Variants in PRDM16 observed in about 807,000 individuals in gnomAD.
PRDM16 encodes PR/SET domain 16, also known as histone-lysine N-methyltransferase PRDM16.
PRDM16 carries 23 observed loss-of-function variants against 110.6 expected under a neutral mutation model. That is an observed-to-expected ratio of 0.21 (90% CI 0.15 to 0.29). The LOEUF (loss-of-function observed/expected upper bound fraction) is 0.29. PRDM16 is among the 10% of genes least tolerant of loss of function. The pLI is 1.00. For synonymous variants in PRDM16, 799 were observed against 781.8 expected, an observed-to-expected ratio of 1.02 and a Z score of -0.37; for missense variants, 1,615 against 1,794.3, an observed-to-expected ratio of 0.90 and a Z score of 1.81.
chr1:3,242,519 C>T lies in PRDM16; in HGVS notation c.388-1568C>T, dbSNP rs183192571. 8.7e-4 allele frequency among the ~76,000 whole-genome samples: 133 copies of T among 152,312 alleles called. 1 individual carries two copies. Among genetic ancestry groups the T allele is most frequent in the Non-Finnish European group, 1.0e-3 (71 of 68,022 alleles). On this transcript the variant is annotated intron_variant, in intron 2 of 16. Transcript: ENST00000270722. ...GAGAGATTCCACCTGAGCAGCTCCT[C>T]GAGCTCTGCCTCCAGCACGCCTCGG...
chr1:3,224,417 G>A (rs1030096292), intron 2 of PRDM16, among the ~76,000 whole-genome samples: 18 of 152,002 alleles, frequency 1.2e-4, no homozygotes, highest in African/African-American at 4.1e-4. Context: ...CGCCCCTCTC[G>A]CTGGGGTACC....
In PRDM16 at chr1:3,436,074, C is replaced by T. The variant is rs572567804; in HGVS notation, c.*2263C>T. ...CCTGGGTCAGACCCACCAGGTACCCCGTAGGAATTTCCAGTTTCCCTTGAT... is the reference window on the plus strand; with the variant it reads ...CCTGGGTCAGACCCACCAGGTACCCTGTAGGAATTTCCAGTTTCCCTTGAT... On this transcript the variant is annotated 3_prime_UTR_variant, in exon 17 of 17. Transcript: ENST00000270722. 2.2e-5 allele frequency: 5 copies of T among 230,528 alleles called. No homozygotes were observed. Among genetic ancestry groups the T allele is most frequent in the East Asian group, 1.2e-4 (2 of 16,244 alleles). The allele number at this position is 230,528 out of a possible 1,614,324, so 14.3% of individuals were successfully genotyped here. A position where few individuals can be genotyped will look rare whatever the true frequency, so the allele number is the denominator to read the frequency against.
chr1:3,380,556 C>G (rs1388236434), intron 3 of PRDM16, among the ~76,000 whole-genome samples: 1 of 152,172 alleles, frequency 6.6e-6, no homozygotes, highest in Non-Finnish European at 1.5e-5. Flanking sequence ...GTTGTTGCCT[C>G]TGGTCTCCAG....
intron 3 of PRDM16, among the ~76,000 whole-genome samples, chr1:3,320,375 T>C (rs539553748): frequency 6.6e-6 from 1 of 152,114 alleles, no homozygotes; most frequent in African/African-American, 2.4e-5. Flanking sequence ...AACATGCAGG[T>C]GTATGTGAGT....
chr1:3,129,599 C>G (rs917440345), intron 1 of PRDM16, among the ~76,000 whole-genome samples: 1 of 152,076 alleles, frequency 6.6e-6, no homozygotes, highest in Non-Finnish European at 1.5e-5. Flanking sequence ...AGGGTCAGGA[C>G]GGGATGGGGA....
chr1:3,189,019 C>G (rs942562597), intron 2 of PRDM16, among the ~76,000 whole-genome samples: 2 of 152,216 alleles, frequency 1.3e-5, no homozygotes, highest in African/African-American at 4.8e-5. Flanking sequence ...ATTGCTATTT[C>G]CCCCTGGTTT....
rs1055016167 is a variant in PRDM16 at position 3,434,542 on chromosome 1, C to T, written c.*731C>T. On this transcript the variant is annotated 3_prime_UTR_variant, in exon 17 of 17. Transcript: ENST00000270722. The stretch of plus-strand genomic sequence containing the variant: ...AGAACAAGAGGCGCGGGGCCACACC[C>T]GTGAACCATGCAGACGGCCGAAGAA... The T allele has an allele frequency of 4.3e-5, 10 of 231,576 alleles. No homozygotes were observed. The highest frequency in any genetic ancestry group is 1.8e-4 in the South Asian group (1 of 5,498). 14.3% of individuals were successfully genotyped at this position (231,576 alleles called of 1,614,324 possible).
At chr1:3,369,817 A>G (rs982165541) in intron 3 of PRDM16, among the ~76,000 whole-genome samples, 12 of 152,380 alleles carry the variant, frequency 7.9e-5, no homozygotes, top group Admixed American at 7.8e-4. Context: ...GTCTGCACCA[A>G]GAATCCTTTG....
At chr1:3,304,300 G>A (rs1641265175) in intron 3 of PRDM16, among the ~76,000 whole-genome samples, 2 of 152,220 alleles carry the variant, frequency 1.3e-5, no homozygotes, top group African/African-American at 2.4e-5. Flanking sequence ...CCCCAGCCAA[G>A]CCCTGCAGTC....
intron 2 of PRDM16, among the ~76,000 whole-genome samples, chr1:3,187,936 CG>C (rs1028681080): frequency 1.3e-5 from 2 of 152,150 alleles, no homozygotes; most frequent in African/African-American, 4.8e-5. Flanking sequence ...GTGGAACGGG[CG>C]TACCCCCCCA....
intron 2 of PRDM16, among the ~76,000 whole-genome samples, chr1:3,187,612 C>T (rs531289599): frequency 6.6e-6 from 1 of 152,306 alleles, no homozygotes; most frequent in Non-Finnish European, 1.5e-5. Flanking sequence ...ATTAAGAGCC[C>T]TTTGTAAGAA....
intron 4 of PRDM16, among the ~76,000 whole-genome samples, chr1:3,391,125 C>T (rs1388003642): frequency 1.3e-5 from 2 of 152,172 alleles, no homozygotes; most frequent in Admixed American, 6.5e-5. Flanking sequence ...CGTGAGCCAC[C>T]GCCCGAGCCA....
chr1:3,186,085 G>C (rs1193997235), intron 1 of PRDM16, 40 bp from the exon 2 acceptor site: 1 of 1,521,474 alleles, frequency 6.6e-7, no homozygotes, highest in Non-Finnish European at 9.1e-7. Context: ...ACTGGGTGGG[G>C]CACGTGCTGC....
At chr1:3,225,103 A>G (rs1275661982) in intron 2 of PRDM16, among the ~76,000 whole-genome samples, 1 of 152,198 alleles carries the variant, frequency 6.6e-6, no homozygotes, top group Non-Finnish European at 1.5e-5. Context: ...GAACCTTGAA[A>G]ATGTTAGAGT....
At chr1:3,174,137 G>A (rs562597397) in intron 1 of PRDM16, among the ~76,000 whole-genome samples, 36 of 152,252 alleles carry the variant, frequency 2.4e-4, no homozygotes, top group Middle Eastern at 3.4e-3. Context: ...AAGAGTCCCC[G>A]CTCACCTCTC....
At chr1:3,404,478 G>A (rs890948595) in intron 6 of PRDM16, among the ~76,000 whole-genome samples, 3 of 152,246 alleles carry the variant, frequency 2.0e-5, no homozygotes, top group East Asian at 1.9e-4. Context: ...GCCTCCAGCC[G>A]CCCTGGGGGT....
chr1:3,391,061 CCTGACCTTGGGTGAT>C (rs1448343022), intron 4 of PRDM16, among the ~76,000 whole-genome samples: 1 of 152,158 alleles, frequency 6.6e-6, no homozygotes, highest in African/African-American at 2.4e-5. Context: ...GTTTCAAGCT[CCTGACCTTGGGTGAT>C]CTGCCCGCCT....
intron 1 of PRDM16, among the ~76,000 whole-genome samples, chr1:3,183,696 G>T (rs1462881611): frequency 3.9e-5 from 6 of 152,180 alleles, no homozygotes; most frequent in Non-Finnish European, 8.8e-5. Context: ...CCCTTAAAGC[G>T]CTGATTTTCC....
intron 2 of PRDM16, among the ~76,000 whole-genome samples, chr1:3,219,723 G>A (rs1261721225): frequency 6.6e-6 from 1 of 152,234 alleles, no homozygotes; most frequent in African/African-American, 2.4e-5. Flanking sequence ...AACATGGCAG[G>A]AGCGGCCATC....
Sources: gnomAD v4.1 joint callset for allele counts (sites outside exome capture counted in the v4.1 genomes callset) on GRCh38, gnomAD v4.1.1 for gene constraint, MANE v1.5 for transcripts, NCBI Gene and HGNC (gene_info 2026-07-23, HGNC 2026-07-21) for gene names.